Variants in ZCCHC24 observed in about 807,000 individuals in gnomAD.
ZCCHC24 encodes zinc finger CCHC domain-containing protein 24.
Under a neutral mutation model 26.2 loss-of-function variants are expected in ZCCHC24, and 10 were observed. That is an observed-to-expected ratio of 0.38 (90% CI 0.24 to 0.65). The LOEUF is 0.65. ZCCHC24 is among the 30% of genes least tolerant of loss of function. The probability of loss-of-function intolerance (pLI) is 0.54; values close to 1 mark genes in which losing one functional copy is unlikely to be tolerated. For synonymous variants in ZCCHC24, 144 were observed against 147.1 expected (o/e 0.98, Z 0.15); for missense variants, 243 against 329.1 (o/e 0.74, Z 2.03).
chr10:79,405,979 G>A (rs1856706432), intron 2 of ZCCHC24, among the ~76,000 whole-genome samples: 1 of 152,174 alleles, frequency 6.6e-6, no homozygotes, highest in Admixed American at 6.5e-5. Context: ...CCTCTCTCTG[G>A]GATTCGATCT....
chr10:79,434,399 TC>T (rs1220306953), intron 1 of ZCCHC24, among the ~76,000 whole-genome samples: 1 of 151,892 alleles, frequency 6.6e-6, no homozygotes, highest in East Asian at 1.9e-4. Context: ...AAGCAGAGGG[TC>T]CCCCGTCCCT....
chr10:79,441,537 A>G (rs192869704), intron 1 of ZCCHC24, among the ~76,000 whole-genome samples: 21 of 152,170 alleles, frequency 1.4e-4, no homozygotes, highest in Non-Finnish European at 2.2e-4. Flanking sequence ...GTTTTCCAGG[A>G]AGGACACTGA....
chr10:79,394,696 T>A, intron 2 of ZCCHC24: 1 of 948,706 alleles, frequency 1.1e-6, no homozygotes, highest in Non-Finnish European at 1.3e-6. Flanking sequence ...CTTCTAGATT[T>A]AAGGGGTAAA....
intron 2 of ZCCHC24, among the ~76,000 whole-genome samples, chr10:79,394,969 T>C (rs1564632309): frequency 6.6e-6 from 1 of 152,264 alleles, no homozygotes; most frequent in Non-Finnish European, 1.5e-5. Context: ...CAGATGCATA[T>C]GACATGCACA....
At chr10:79,386,694 C>G (rs1417347594) in intron 3 of ZCCHC24, among the ~76,000 whole-genome samples, 6 of 152,146 alleles carry the variant, frequency 3.9e-5, no homozygotes, top group African/African-American at 1.4e-4. Flanking sequence ...GTTTCAGCCA[C>G]GGTGCCGGGG....
Position 79,445,507 on chromosome 10 carries a change from G to A in ZCCHC24, c.-67C>T. ...CGGCCCCCCTCCGCAGCGGAGGGGC[G>A]GGCACCGGGGAGCCTGTGCCCACTG... On this transcript the variant is annotated 5_prime_UTR_variant, in exon 1 of 4. Transcript: ENST00000372336. 1 of 1,255,488 alleles carries A rather than the reference G, an allele frequency of 8.0e-7. No individual in the cohort carries two copies. The highest frequency in any genetic ancestry group is 1.0e-6 in the Non-Finnish European group (1 of 994,558). 77.8% of individuals were successfully genotyped at this position (1,255,488 alleles called of 1,614,324 possible).
intron 2 of ZCCHC24, among the ~76,000 whole-genome samples, chr10:79,405,710 G>T (rs1202206956): frequency 1.3e-5 from 2 of 152,246 alleles, no homozygotes; most frequent in African/African-American, 4.8e-5. Context: ...CCTCAGCCTG[G>T]AGTGAGGCTT....
chr10:79,438,136 T>C (rs561542724), intron 1 of ZCCHC24, among the ~76,000 whole-genome samples: 249 of 152,256 alleles, frequency 1.6e-3, no homozygotes, highest in Non-Finnish European at 2.1e-3. Context: ...GGAACTCTGA[T>C]TCGAGTCCCT....
chr10:79,408,867 C>A (rs1001586248), intron 2 of ZCCHC24, among the ~76,000 whole-genome samples: 1 of 152,208 alleles, frequency 6.6e-6, no homozygotes. Context: ...GGGATAAGCC[C>A]CTTCCCTGCC....
At chr10:79,424,174 T>C (rs576264883) in intron 2 of ZCCHC24, among the ~76,000 whole-genome samples, 1 of 152,352 alleles carries the variant, frequency 6.6e-6, no homozygotes, top group Admixed American at 6.5e-5. Flanking sequence ...TCATCTGATC[T>C]GATAGTTCCC....
At chr10:79,427,819 C>G (rs1346419349) in intron 2 of ZCCHC24, among the ~76,000 whole-genome samples, 1 of 151,838 alleles carries the variant, frequency 6.6e-6, no homozygotes, top group East Asian at 1.9e-4. Context: ...TTTGAGTCTG[C>G]AATGAGTTAT....
Position 79,445,618 on chromosome 10 carries a change from C to G in ZCCHC24, c.-178G>C, listed in dbSNP as rs964756188. On this transcript the variant is annotated 5_prime_UTR_variant, in exon 1 of 4. Transcript: ENST00000372336. Reference sequence around the variant, plus strand: ...GCCGCTGCCGCTGCCGCCGCCTCCCCCCGACTGCGGCCCCGGCGCGCGCAG... The same window carrying G: ...GCCGCTGCCGCTGCCGCCGCCTCCCGCCGACTGCGGCCCCGGCGCGCGCAG... 86 of 394,988 alleles carry G rather than the reference C, an allele frequency of 2.2e-4. No individual in the cohort carries two copies. Among genetic ancestry groups the G allele is most frequent in the Non-Finnish European group, 2.8e-4 (81 of 288,794 alleles). The allele number at this position is 394,988 out of a possible 1,614,324, so 24.5% of individuals were successfully genotyped here.
intron 3 of ZCCHC24, among the ~76,000 whole-genome samples, chr10:79,388,378 C>A (rs1490669995): frequency 2.0e-5 from 3 of 152,198 alleles, no homozygotes; most frequent in Non-Finnish European, 2.9e-5. Flanking sequence ...CCTCCAACAG[C>A]TCCTCCATCT....
At chr10:79,393,812 C>G (rs754147250) in intron 3 of ZCCHC24, among the ~76,000 whole-genome samples, 5 of 152,036 alleles carry the variant, frequency 3.3e-5, no homozygotes, top group Non-Finnish European at 7.4e-5. Flanking sequence ...ATAGGCCTAG[C>G]TTCCCCCCAT....
chr10:79,398,972 C>A (rs1856591277), intron 2 of ZCCHC24, among the ~76,000 whole-genome samples: 1 of 152,164 alleles, frequency 6.6e-6, no homozygotes, highest in South Asian at 2.1e-4. Context: ...ACACTTGACC[C>A]ACCTCTTCTG....
chr10:79,406,223 T>C (rs759331497), intron 2 of ZCCHC24, among the ~76,000 whole-genome samples: 2 of 152,048 alleles, frequency 1.3e-5, no homozygotes, highest in Non-Finnish European at 1.5e-5. Flanking sequence ...ACAAAGCAAA[T>C]AAGCAGAAGG....
chr10:79,426,048 C>A (rs905689131), intron 2 of ZCCHC24, among the ~76,000 whole-genome samples: 2 of 152,200 alleles, frequency 1.3e-5, no homozygotes, highest in African/African-American at 4.8e-5. Context: ...TGGGGTTTCC[C>A]AGTCTTCCTG....
chr10:79,422,753 C>G (rs922728447), intron 2 of ZCCHC24, among the ~76,000 whole-genome samples: 11 of 152,204 alleles, frequency 7.2e-5, no homozygotes, highest in African/African-American at 2.7e-4. Flanking sequence ...CCTCCCAGAC[C>G]TCTCGCGGCG....
intron 2 of ZCCHC24, among the ~76,000 whole-genome samples, chr10:79,409,751 G>T (rs937283059): frequency 9.9e-5 from 15 of 152,218 alleles, no homozygotes; most frequent in Non-Finnish European, 1.8e-4. Flanking sequence ...GCTCAATAGG[G>T]CCTCTGTCCC....
Sources: gnomAD v4.1 joint callset for allele counts (sites outside exome capture counted in the v4.1 genomes callset) on GRCh38, gnomAD v4.1.1 for gene constraint, MANE v1.5 for transcripts, NCBI Gene and HGNC (gene_info 2026-07-23, HGNC 2026-07-21) for gene names.